Variants in SLC39A13 observed in about 807,000 individuals in gnomAD.
SLC39A13 encodes zinc transporter ZIP13.
SLC39A13 carries 18 observed loss-of-function variants against 38.7 expected under a neutral mutation model. The ratio of observed to expected loss-of-function variants is 0.47; its 90% CI spans 0.32 to 0.69. The LOEUF (loss-of-function observed/expected upper bound fraction) is 0.69, where lower values mean the gene tolerates loss of function less well. Ranked by LOEUF, SLC39A13 falls within the 30% of genes least tolerant of loss-of-function variation. The pLI is 0.03. For synonymous variants in SLC39A13, 212 were observed against 219.1 expected, an observed-to-expected ratio of 0.97 and a Z score of 0.29; for missense variants, 395 against 490.7, an observed-to-expected ratio of 0.80 and a Z score of 1.84.
At chr11:47,413,914 C>A (rs749781278) in intron 6 of SLC39A13, 8 of 709,806 alleles carry the variant, frequency 1.1e-5, no homozygotes, top group South Asian at 8.9e-5. Context: ...TGTCAAGCTG[C>A]TAGGCGTGGC....
chr11:47,411,880 G>A (rs1016753876), intron 2 of SLC39A13, 46 bp from the exon 3 acceptor site: 1 of 1,571,536 alleles, frequency 6.4e-7, no homozygotes, highest in Non-Finnish European at 8.7e-7. Context: ...GTCAGGCCAG[G>A]AGCTCCAGCC....
intron 6 of SLC39A13, 76 bp from the exon 7 acceptor site, chr11:47,414,349 C>A: frequency 6.6e-7 from 1 of 1,518,346 alleles, no homozygotes; most frequent in Non-Finnish European, 9.0e-7. Context: ...CAGAGTAAAC[C>A]TCTGTGGAAT....
chr11:47,412,855 G>A (rs1194030954), intron 4 of SLC39A13, among the ~76,000 whole-genome samples: 3 of 137,734 alleles, frequency 2.2e-5, no homozygotes, highest in Non-Finnish European at 3.0e-5. Context: ...TCTGCCTCCC[G>A]GGTTCAAGCG....
At chr11:47,408,701 C>T in intron 1 of SLC39A13, 39 bp downstream of exon 1, 1 of 153,124 alleles carries the variant, frequency 6.5e-6, no homozygotes, top group Non-Finnish European at 1.5e-5. Flanking sequence ...GCGCCCCGGG[C>T]GTGATGGACC....
At chr11:47,414,108 C>G in intron 6 of SLC39A13, 3 of 608,184 alleles carry the variant, frequency 4.9e-6, no homozygotes, top group South Asian at 3.9e-5. Flanking sequence ...CCTCGACTTA[C>G]ATGGACTCCT....
intron 6 of SLC39A13, 106 bp from the exon 7 acceptor site, chr11:47,414,319 C>G (rs759533986): frequency 7.4e-7 from 1 of 1,342,820 alleles, no homozygotes; most frequent in East Asian, 2.5e-5. Context: ...ACACAGTGCC[C>G]ACCCAGAGCC....
At chr11:47,408,357 G>A (rs940098009), upstream of SLC39A13, among the ~76,000 whole-genome samples, 3 of 152,082 alleles carry the variant, frequency 2.0e-5, no homozygotes, top group African/African-American at 7.2e-5. Flanking sequence ...CGGTGCGTGT[G>A]GCTCTCTCAC....
At chr11:47,410,037 G>A in intron 1 of SLC39A13, 50 bp from the exon 2 acceptor site, 12 of 1,606,890 alleles carry the variant, frequency 7.5e-6, no homozygotes, top group Non-Finnish European at 1.0e-5. Flanking sequence ...TCCTAAGCAG[G>A]TGTGCGGCCA....
upstream of SLC39A13, chr11:47,408,560 GGGCCGGGC>G (rs527650374): frequency 1.0e-4 from 15 of 146,396 alleles, no homozygotes; most frequent in Middle Eastern, 3.5e-3. Flanking sequence ...CCCGGGCCGG[GGGCCGGGC>G]GGCCGGGCGG....
At chr11:47,408,768 G>T in intron 1 of SLC39A13, 106 bp downstream of exon 1, 1 of 152,672 alleles carries the variant, frequency 6.5e-6, no homozygotes, top group South Asian at 2.0e-4. Flanking sequence ...CGGCTCCCAG[G>T]ACCCGGGAGT....
chr11:47,408,314 G>A (rs1444382761), upstream of SLC39A13, among the ~76,000 whole-genome samples: 4 of 152,216 alleles, frequency 2.6e-5, no homozygotes, highest in African/African-American at 4.8e-5. Flanking sequence ...CCGCAGAGCC[G>A]CCGCTTCCGT....
intron 1 of SLC39A13, chr11:47,409,631 T>C: frequency 5.0e-6 from 1 of 201,514 alleles, no homozygotes; most frequent in Non-Finnish European, 1.0e-5. Context: ...GCGTGGATGG[T>C]CTTGCCCTGG....
At chr11:47,412,104 G>GGGAT (rs1447181238) in intron 3 of SLC39A13, 65 bp downstream of exon 3, 17 of 1,517,886 alleles carry the variant, frequency 1.1e-5, no homozygotes, top group Admixed American at 5.8e-5. Flanking sequence ...CCCACGCCCA[G>GGGAT]GGATGGCCAG....
intron 3 of SLC39A13, 48 bp downstream of exon 3, chr11:47,412,087 C>A: frequency 6.4e-7 from 1 of 1,562,960 alleles, no homozygotes; most frequent in South Asian, 1.2e-5. Flanking sequence ...GGAGTGGGGG[C>A]CTGGTGCCCA....
In SLC39A13 at chr11:47,415,461, CGA is replaced by C. The variant is rs1565669786; in HGVS notation, c.*105_*106del. 10 of 1,399,422 alleles carry C rather than the reference CGA, an allele frequency of 7.1e-6. No homozygotes were observed. Among genetic ancestry groups the C allele is most frequent in the South Asian group, 1.2e-5 (1 of 86,298 alleles). 86.7% of individuals were successfully genotyped at this position (1,399,422 alleles called of 1,614,324 possible). ...GAGAGGCAGAGAGGGCGAGTGGCTG[CGA>C]GAGAGAATGAGCCTCCCGCCAGACA... On this transcript the variant is annotated 3_prime_UTR_variant, in exon 10 of 10. Coordinates refer to ENST00000362021, the MANE Select transcript of SLC39A13 (RefSeq NM_001128225.3).
chr11:47,411,954 C>T lies in SLC39A13; in HGVS notation c.330C>T (p.Leu110=). 6.2e-7 allele frequency: 1 copy of T among 1,613,888 alleles called. No individual in the cohort carries two copies. Residue 110 remains leucine, a synonymous_variant, in exon 3 of 10, where the codon CTC becomes CTT. Coordinates refer to ENST00000362021, the MANE Select transcript of SLC39A13 (RefSeq NM_001128225.3). The part of the protein sequence containing the change: ...EAGAWRLKQL[L]SFALGGLLGN... ...GGGCCTGGCGCCTGAAGCAGCTGCTCAGCTTCGCCCTGGGGGGACTCTTGG... is the reference window on the plus strand; with the variant it reads ...GGGCCTGGCGCCTGAAGCAGCTGCTTAGCTTCGCCCTGGGGGGACTCTTGG...
upstream of SLC39A13, among the ~76,000 whole-genome samples, chr11:47,408,060 T>A (rs2095978302): frequency 6.6e-6 from 1 of 152,228 alleles, no homozygotes; most frequent in Admixed American, 6.5e-5. Flanking sequence ...AGAATAAAAT[T>A]CCCTCTTCTG....
chr11:47,415,387 G>A lies in SLC39A13; in HGVS notation c.*24G>A, dbSNP rs377005128. 1.3e-5 allele frequency: 21 copies of A among 1,612,128 alleles called. No individual in the cohort carries two copies. Among genetic ancestry groups the A allele is most frequent in the Non-Finnish European group, 1.7e-5 (20 of 1,178,810 alleles). Reference sequence around the variant, plus strand: ...AACTTTCCCTGATGCCGACGCCCCTGCCCCCTGCAGCAATAAGATGCTCGG... The same window carrying A: ...AACTTTCCCTGATGCCGACGCCCCTACCCCCTGCAGCAATAAGATGCTCGG... On this transcript the variant is annotated 3_prime_UTR_variant, in exon 10 of 10. Transcript: ENST00000362021.
rs766006022 is a variant in SLC39A13, at chr11:47,413,588, C to T, written c.646-9C>T. On this transcript the variant is annotated splice_polypyrimidine_tract_variant and intron_variant, in intron 5 of 9. Transcript: ENST00000362021. ...CTCAGCCCTGCCTCCTGCCTTCCCT[C>T]CTTCCCAGGTCAGCGGCTACCTCAA... 14 of 1,614,236 alleles carry T rather than the reference C, an allele frequency of 8.7e-6. No individual in the cohort carries two copies. The South Asian group carries it at 1.2e-4, about 14-fold the overall frequency.
Sources: gnomAD v4.1 joint callset for allele counts (sites outside exome capture counted in the v4.1 genomes callset) on GRCh38, gnomAD v4.1.1 for gene constraint, MANE v1.5 for transcripts, NCBI Gene and HGNC (gene_info 2026-07-23, HGNC 2026-07-21) for gene names.